Variants in TNFRSF10B observed in about 807,000 individuals in gnomAD.
TNFRSF10B encodes the protein TNF receptor superfamily member 10b, also known as tumor necrosis factor receptor superfamily member 10B.
TNFRSF10B carries 35 observed loss-of-function variants against 41.4 expected under a neutral mutation model. The ratio of observed to expected loss-of-function variants is 0.85; its 90% CI spans 0.65 to 1.12. The LOEUF (loss-of-function observed/expected upper bound fraction) is 1.12. Ranked by LOEUF, TNFRSF10B falls within the 50% of genes most tolerant of loss-of-function variation. The pLI, the probability that TNFRSF10B is intolerant of heterozygous loss-of-function variation, is 0.00. For missense variants in TNFRSF10B, 584 were observed against 552.7 expected (o/e 1.06, Z -0.57); for synonymous variants, 230 against 215.5 (o/e 1.07, Z -0.59).
chr8:23,021,084 G>A lies in TNFRSF10B; in HGVS notation c.*1587C>T, dbSNP rs1416274180. On this transcript the variant is annotated 3_prime_UTR_variant, in exon 9 of 9. Transcript: ENST00000276431. ...ACACACAATGCCTTGAGACAGAAAA[G>A]ACCAAAAACTCCTGGAATGACTACC... 2.2e-6 allele frequency: 1 copy of A among 453,946 alleles called. No individual in the cohort carries two copies. Among genetic ancestry groups the A allele is most frequent in the Non-Finnish European group, 4.4e-6 (1 of 226,798 alleles). The allele number at this position is 453,946 out of a possible 1,614,324, so 28.1% of individuals were successfully genotyped here.
chr8:23,043,262 G>A lies in TNFRSF10B; in HGVS notation c.145-19C>T, dbSNP rs777055136. On this transcript the variant is annotated intron_variant, in intron 1 of 8. Coordinates refer to ENST00000276431, the MANE Select transcript of TNFRSF10B (RefSeq NM_003842.5). The stretch of plus-strand genomic sequence containing the variant: ...CTGAGACCTGTGGGGACAAAGCAGG[G>A]ATGGGCATGAGTGGCTTCCAGACCT... 5 of 1,609,590 alleles carry A rather than the reference G, an allele frequency of 3.1e-6. No individual in the cohort carries two copies. In the East Asian group the frequency reaches 8.9e-5, roughly 29 times the overall value.
chr8:23,021,722 CT>C lies in TNFRSF10B; in HGVS notation c.*948del, dbSNP rs1811528052. On this transcript the variant is annotated 3_prime_UTR_variant, in exon 9 of 9. Coordinates refer to ENST00000276431, the MANE Select transcript of TNFRSF10B (RefSeq NM_003842.5). ...ACTACCTATAAATAATACTCATATA[CT>C]TGTAAGGTTGTCCAGTTCAAAAGAC... 1 of 454,004 alleles carries C rather than the reference CT, an allele frequency of 2.2e-6. No homozygotes were observed. Among genetic ancestry groups the C allele is most frequent in the Non-Finnish European group, 4.4e-6 (1 of 226,812 alleles). The allele number at this position is 454,004 out of a possible 1,614,324, so 28.1% of individuals were successfully genotyped here.
Position 23,029,740 on chromosome 8 carries a change from G to T in TNFRSF10B, c.365-19C>A, listed in dbSNP as rs371230245. On this transcript the variant is annotated intron_variant, in intron 3 of 8. Coordinates refer to ENST00000276431, the MANE Select transcript of TNFRSF10B (RefSeq NM_003842.5). ...ACTTCACCTGACGACAGAGCATAAG[G>T]TTTTGGGAATGTGTTTTCCTGATGT... The T allele has an allele frequency of 1.9e-6, 3 of 1,608,092 alleles. No homozygotes were observed. The African/African-American group carries it at 4.0e-5, about 21-fold the overall frequency.
intron 1 of TNFRSF10B, among the ~76,000 whole-genome samples, chr8:23,052,694 G>A (rs1037744539): frequency 2.0e-5 from 3 of 152,194 alleles, no homozygotes; most frequent in African/African-American, 4.8e-5. Context: ...ATAAAAATAA[G>A]GAGAATTTTA....
At chr8:23,025,758 T>C (rs1315719948) in intron 7 of TNFRSF10B, among the ~76,000 whole-genome samples, 1 of 152,170 alleles carries the variant, frequency 6.6e-6, no homozygotes, top group African/African-American at 2.4e-5. Flanking sequence ...CTGGTGGATG[T>C]GTGGCTATGG....
chr8:23,049,679 G>A (rs1182481753), intron 1 of TNFRSF10B: 3 of 152,244 alleles, frequency 2.0e-5, no homozygotes, highest in Non-Finnish European at 4.4e-5. Context: ...TTGGTCTGGT[G>A]ATAATTTCCA....
chr8:23,060,976 A>G (rs1425183963), intron 1 of TNFRSF10B, among the ~76,000 whole-genome samples: 4 of 152,098 alleles, frequency 2.6e-5, no homozygotes, highest in Non-Finnish European at 5.9e-5. Flanking sequence ...TTGATTTTGT[A>G]TTCCGCTTCT....
intron 1 of TNFRSF10B, among the ~76,000 whole-genome samples, chr8:23,067,230 G>C (rs138762474): frequency 2.0e-5 from 3 of 151,674 alleles, no homozygotes; most frequent in Non-Finnish European, 4.4e-5. Context: ...TGCCCGCCTC[G>C]GCCTCCCAAA....
chr8:23,022,920 C>T lies in TNFRSF10B; in HGVS notation c.1074G>A (p.Met358Ile). The stretch of plus-strand genomic sequence containing the variant: ...CATTGTCCATGAGGCCCAACTTCCT[C>T]ATGAGCGGCTCCCAGGAGTCAAAGG... ...LVPFDSWEPL[M>I]RKLGLMDNEI... Residue 358 changes from methionine to isoleucine, a missense_variant, in exon 9 of 9, where the codon ATG becomes ATA. By Grantham distance (10) the Met-to-Ile change is conservative. Transcript: ENST00000276431. 6.2e-7 allele frequency: 1 copy of T among 1,614,122 alleles called. No individual in the cohort carries two copies. The highest frequency in any genetic ancestry group is 1.7e-5 in the Admixed American group (1 of 60,020).
In TNFRSF10B at chr8:23,055,585, A is replaced by G. The variant is rs1006091339; in HGVS notation, c.145-12342T>C. On this transcript the variant is annotated intron_variant, in intron 1 of 8. Coordinates refer to ENST00000276431, the MANE Select transcript of TNFRSF10B (RefSeq NM_003842.5). ...GCTGGAATGTAACAAAAGCCCATCA[A>G]GAGTTTTGCTTAGGCCTTTCCTGGG... Among the ~76,000 whole-genome samples the G allele has an allele frequency of 9.2e-5, 14 of 152,160 alleles. 2 individuals are homozygous for G. Among genetic ancestry groups the G allele is most frequent in the African/African-American group, 2.9e-4 (12 of 41,508 alleles).
intron 2 of TNFRSF10B, among the ~76,000 whole-genome samples, chr8:23,042,007 C>T (rs1812215729): frequency 6.6e-6 from 1 of 152,204 alleles, no homozygotes; most frequent in South Asian, 2.1e-4. Flanking sequence ...ACTGCTAGCC[C>T]TGCCACACAC....
chr8:23,047,854 G>A (rs1253414471), intron 1 of TNFRSF10B, among the ~76,000 whole-genome samples: 1 of 152,182 alleles, frequency 6.6e-6, no homozygotes, highest in Non-Finnish European at 1.5e-5. Flanking sequence ...CCACTTCTGG[G>A]TATTTACCAA....
At chr8:23,024,347 C>G in intron 7 of TNFRSF10B, 87 bp from the exon 8 acceptor site, 1 of 1,396,026 alleles carries the variant, frequency 7.2e-7, no homozygotes, top group Non-Finnish European at 1.0e-6. Context: ...GCTCTGAGAC[C>G]TGCAGCACGT....
rs1563307575 is a variant in TNFRSF10B at position 23,028,443 on chromosome 8, TGA to T, written c.634_635del (p.Ser212ArgfsTer44). 2 of 1,614,000 alleles carry T rather than the reference TGA, an allele frequency of 1.2e-6. No homozygotes were observed. Among genetic ancestry groups the T allele is most frequent in the South Asian group, 2.2e-5 (2 of 91,084 alleles). On this transcript the variant is annotated frameshift_variant, in exon 5 of 9. Coordinates refer to ENST00000276431, the MANE Select transcript of TNFRSF10B (RefSeq NM_003842.5). LOFTEE classifies it high-confidence loss of function. The stretch of plus-strand genomic sequence containing the variant: ...CAACTGTGACTCCTATGATGATGCC[TGA>T]GAGAGAACAGGGAGAGGCAGGAGTC... The part of the protein sequence containing the change: ...PGTPASPCSL[S>X]GIIIGVTVAA...
At position 23,022,682 on chromosome 8, in the gene TNFRSF10B, C is replaced by A. The variant is rs762859107; in HGVS notation, c.1312G>T (p.Ala438Ser). The A allele has an allele frequency of 2.5e-6, 4 of 1,614,028 alleles. No homozygotes were observed. Among genetic ancestry groups the A allele is most frequent in the Non-Finnish European group, 3.4e-6 (4 of 1,180,034 alleles). ...FMYLEGNADS[A>S]MS The stretch of plus-strand genomic sequence containing the variant: ...GAAGAGAATCACACTTAGGACATGG[C>A]AGAGTCTGCATTACCTTCTAGATAC... Residue 438 changes from alanine (A) to serine (S), a missense_variant, in exon 9 of 9, where the codon GCC becomes TCC. By Grantham distance (99) the Ala-to-Ser change is moderately conservative. Transcript: ENST00000276431.
chr8:23,027,640 G>A (rs2293402), intron 6 of TNFRSF10B, 82 bp downstream of exon 6: 470,759 of 1,596,522 alleles, frequency 0.29, 70,644 homozygotes, highest in African/African-American at 0.32. Context: ...AGGACAATGG[G>A]GACCCACCCA....
Position 23,022,456 on chromosome 8 carries a change from T to C in TNFRSF10B, c.*215A>G. 1.5e-6 allele frequency: 1 copy of C among 678,094 alleles called. No homozygotes were observed. The highest frequency in any genetic ancestry group is 2.7e-6 in the Non-Finnish European group (1 of 372,332). The allele number at this position is 678,094 out of a possible 1,614,324, so 42.0% of individuals were successfully genotyped here. A position where few individuals can be genotyped will look rare whatever the true frequency, so the allele number is the denominator to read the frequency against. Reference sequence around the variant, plus strand: ...CGGAATGATCCAGACATTTCCATAGTGTCCTTATTATCACATTCAGCTTAT... The same window carrying C: ...CGGAATGATCCAGACATTTCCATAGCGTCCTTATTATCACATTCAGCTTAT... On this transcript the variant is annotated 3_prime_UTR_variant, in exon 9 of 9. Transcript: ENST00000276431.
At position 23,020,913 on chromosome 8, in the gene TNFRSF10B, G is replaced by C; in HGVS notation, c.*1758C>G. ...CAGAAGTGCAGGGGACAACGCGTGGGATGCCAGATGGAAGTGGGAGAGGAT... is the reference window on the plus strand; with the variant it reads ...CAGAAGTGCAGGGGACAACGCGTGGCATGCCAGATGGAAGTGGGAGAGGAT... On this transcript the variant is annotated 3_prime_UTR_variant, in exon 9 of 9. Transcript: ENST00000276431. 1 of 454,076 alleles carries C rather than the reference G, an allele frequency of 2.2e-6. No individual in the cohort carries two copies. Among genetic ancestry groups the C allele is most frequent in the Non-Finnish European group, 4.4e-6 (1 of 226,782 alleles). The allele number at this position is 454,076 out of a possible 1,614,324, so 28.1% of individuals were successfully genotyped here.
At chr8:23,065,460 C>G (rs1585230716) in intron 1 of TNFRSF10B, among the ~76,000 whole-genome samples, 1 of 152,184 alleles carries the variant, frequency 6.6e-6, no homozygotes, top group South Asian at 2.1e-4. Flanking sequence ...CTGAGACTGA[C>G]TCTAGGTGCC....
Sources: gnomAD v4.1 joint callset for allele counts (sites outside exome capture counted in the v4.1 genomes callset) on GRCh38, gnomAD v4.1.1 for gene constraint, MANE v1.5 for transcripts, NCBI Gene and HGNC (gene_info 2026-07-23, HGNC 2026-07-21) for gene names.